The following MTPAP variants were observed in gnomAD, a reference collection of about 807,000 sequenced individuals.
MTPAP encodes the protein mitochondrial poly(A) polymerase.
In MTPAP, 23 loss-of-function variants were observed where a neutral mutation model predicts 48.7. The ratio of observed to expected loss-of-function variants is 0.47; its 90% confidence interval spans 0.34 to 0.67. The LOEUF (loss-of-function observed/expected upper bound fraction) is 0.67, where lower values mean the gene tolerates loss of function less well. Ranked by LOEUF, MTPAP falls within the 30% of genes least tolerant of loss-of-function variation. MTPAP has a pLI of 0.01. For synonymous variants in MTPAP, 257 were observed against 254.1 expected (o/e 1.01, Z -0.11); for missense variants, 614 against 694.3 (o/e 0.88, Z 1.30).
At chr10:30,346,908 C>A (rs1174104730) in intron 1 of MTPAP, among the ~76,000 whole-genome samples, 1 of 152,162 alleles carries the variant, frequency 6.6e-6, no homozygotes, top group Admixed American at 6.5e-5. Flanking sequence ...TCACCCCCAT[C>A]ATCAACATCC....
At chr10:30,343,725 G>C (rs185738944) in intron 1 of MTPAP, among the ~76,000 whole-genome samples, 38 of 152,072 alleles carry the variant, frequency 2.5e-4, no homozygotes, top group African/African-American at 8.7e-4. Context: ...GCGCCACCAC[G>C]CCCAGCTAAT....
intron 8 of MTPAP, among the ~76,000 whole-genome samples, chr10:30,314,896 A>G (rs1172342690): frequency 2.0e-5 from 3 of 147,040 alleles, no homozygotes; most frequent in Non-Finnish European, 4.4e-5. Flanking sequence ...AAAAAAAAAA[A>G]AAAAAAAAAG....
At position 30,336,877 on chromosome 10, in the gene MTPAP, T is replaced by A; in HGVS notation, c.706A>T (p.Thr236Ser). ...IVRPFGSSVN[T>S]FGKLGCDLDM... ...AAATCACATCCTAACTTCCCAAAAG[T>A]GTTGACTGAGGAGCCAAAGGGTCTG... Residue 236 changes from threonine to serine, a missense_variant, in exon 4 of 9, where the codon ACT becomes TCT. Physicochemically the swap from Thr to Ser is moderately conservative, Grantham distance 58. Coordinates refer to ENST00000263063, the MANE Select transcript of MTPAP (RefSeq NM_018109.4). 1 of 1,612,942 alleles carries A rather than the reference T, an allele frequency of 6.2e-7. No individual in the cohort carries two copies. The highest frequency in any genetic ancestry group is 8.5e-7 in the Non-Finnish European group (1 of 1,179,996).
intron 8 of MTPAP, among the ~76,000 whole-genome samples, chr10:30,315,350 C>A (rs1394692372): frequency 1.3e-5 from 2 of 152,078 alleles, no homozygotes; most frequent in Non-Finnish European, 2.9e-5. Flanking sequence ...TAGCCAAATG[C>A]TAAACAGAAT....
chr10:30,334,608 C>T (rs1834707486), intron 4 of MTPAP, among the ~76,000 whole-genome samples: 1 of 152,030 alleles, frequency 6.6e-6, no homozygotes, highest in African/African-American at 2.4e-5. Context: ...CTGCAGCGGG[C>T]CAAGATCATG....
Position 30,340,414 on chromosome 10 carries a change from T to C in MTPAP, c.367A>G (p.Ser123Gly). The C allele has an allele frequency of 4.3e-6, 7 of 1,614,174 alleles. No individual in the cohort carries two copies. The highest frequency in any genetic ancestry group is 1.1e-5 in the South Asian group (1 of 91,086). Residue 123 changes from serine to glycine, a missense_variant, in exon 3 of 9, where the codon AGC becomes GGC. Transcript: ENST00000263063. ...GTCCCATTCTGCAGTGAACCTATGCTTTCCTTTTGGCAAAATTCTACGACA... is the reference window on the plus strand; with the variant it reads ...GTCCCATTCTGCAGTGAACCTATGCCTTCCTTTTGGCAAAATTCTACGACA... ...YAVVEFCQKE[S>G]IGSLQNGTHT...
intron 6 of MTPAP, among the ~76,000 whole-genome samples, chr10:30,317,144 T>C (rs1156302548): frequency 6.6e-6 from 1 of 152,194 alleles, no homozygotes; most frequent in Non-Finnish European, 1.5e-5. Context: ...AAATTAACAT[T>C]ACATTTAATT....
In MTPAP at chr10:30,313,350, C is replaced by T. The variant is rs1397612241; in HGVS notation, c.*259G>A. ...GCTCAAGAGATCCTCCTGCCTCAGC[C>T]TCCTGAGCAGCTGGGACTACAGGTG... On this transcript the variant is annotated 3_prime_UTR_variant, in exon 9 of 9. Transcript: ENST00000263063. 8 of 470,580 alleles carry T rather than the reference C, an allele frequency of 1.7e-5. No homozygotes were observed. The highest frequency in any genetic ancestry group is 2.7e-5 in the Non-Finnish European group (7 of 261,398). 29.2% of individuals were successfully genotyped at this position (470,580 alleles called of 1,614,324 possible). A position where few individuals can be genotyped will look rare whatever the true frequency, so the allele number is the denominator to read the frequency against.
intron 1 of MTPAP, among the ~76,000 whole-genome samples, chr10:30,347,147 T>C (rs1000119465): frequency 6.6e-6 from 1 of 152,214 alleles, no homozygotes; most frequent in African/African-American, 2.4e-5. Flanking sequence ...TGTACTCTTA[T>C]TGTCTTTCTA....
intron 1 of MTPAP, 195 bp downstream of exon 1, chr10:30,348,924 C>T (rs1834901494): frequency 1.4e-6 from 1 of 691,802 alleles, no homozygotes; most frequent in South Asian, 1.8e-5. Flanking sequence ...AAACATCACA[C>T]ATCTCACTTC....
Position 30,312,276 on chromosome 10 carries a change from T to G in MTPAP, c.*1333A>C, listed in dbSNP as rs953002211. On this transcript the variant is annotated 3_prime_UTR_variant, in exon 9 of 9. Coordinates refer to ENST00000263063, the MANE Select transcript of MTPAP (RefSeq NM_018109.4). ...CACACAGATTTTTTCCAACCAAACTTGGATTGAAAATACAGTATTCTCGGC... is the reference window on the plus strand; with the variant it reads ...CACACAGATTTTTTCCAACCAAACTGGGATTGAAAATACAGTATTCTCGGC... 1 of 151,968 alleles carries G rather than the reference T, an allele frequency of 6.6e-6. No individual in the cohort carries two copies. Among genetic ancestry groups the G allele is most frequent in the Non-Finnish European group, 1.5e-5 (1 of 67,986 alleles). 9.4% of individuals were successfully genotyped at this position (151,968 alleles called of 1,614,324 possible).
At chr10:30,329,683 A>G (rs1365716127) in intron 4 of MTPAP, among the ~76,000 whole-genome samples, 4 of 152,050 alleles carry the variant, frequency 2.6e-5, no homozygotes, top group African/African-American at 9.7e-5. Context: ...ATAATCAAAG[A>G]ATATTAACTA....
chr10:30,348,155 C>T (rs907427424), intron 1 of MTPAP, among the ~76,000 whole-genome samples: 2 of 152,198 alleles, frequency 1.3e-5, no homozygotes, highest in Non-Finnish European at 2.9e-5. Flanking sequence ...TTCAGCGTTA[C>T]TTAGAAATGT....
At position 30,341,449 on chromosome 10, in the gene MTPAP, T is replaced by C. The variant is rs1306910584; in HGVS notation, c.330+19A>G. The C allele has an allele frequency of 5.6e-6, 9 of 1,609,038 alleles. No homozygotes were observed. Among genetic ancestry groups the C allele is most frequent in the African/African-American group, 1.3e-5 (1 of 74,806 alleles). On this transcript the variant is annotated intron_variant, in intron 2 of 8. Transcript: ENST00000263063. ...TGAAAAGCATAAACGTTAAGTTAGA[T>C]TGTTTTTCAAATACTTACAAAGCTT...
chr10:30,338,167 G>A (rs1834751034), intron 3 of MTPAP, among the ~76,000 whole-genome samples: 1 of 152,060 alleles, frequency 6.6e-6, no homozygotes, highest in Admixed American at 6.6e-5. Flanking sequence ...AGAAGGCTGA[G>A]GTGGGTCACT....
At chr10:30,329,587 C>T (rs182088837) in intron 4 of MTPAP, among the ~76,000 whole-genome samples, 10 of 152,268 alleles carry the variant, frequency 6.6e-5, no homozygotes, top group Admixed American at 5.9e-4. Flanking sequence ...TTTCCTAAGA[C>T]TCATCCATAT....
intron 2 of MTPAP, among the ~76,000 whole-genome samples, chr10:30,340,725 C>G (rs768890892): frequency 4.6e-5 from 7 of 152,078 alleles, no homozygotes; most frequent in Non-Finnish European, 1.0e-4. Flanking sequence ...TCAAGACCAG[C>G]CTGGCCAACA....
At chr10:30,320,231 C>G (rs912210988) in intron 6 of MTPAP, among the ~76,000 whole-genome samples, 13 of 152,168 alleles carry the variant, frequency 8.5e-5, no homozygotes, top group Non-Finnish European at 1.9e-4. Context: ...CCACTGCACT[C>G]CAGCCTGCCT....
rs137982260 is a variant in MTPAP at position 30,324,528 on chromosome 10, T to A, written c.992+1896A>T. Among the ~76,000 whole-genome samples, 107 of 152,044 alleles carry A rather than the reference T, an allele frequency of 7.0e-4. 1 individual carries two copies. In the East Asian group the frequency reaches 0.019, roughly 27 times the overall value. The stretch of plus-strand genomic sequence containing the variant: ...ATGATCACACTACTGCACTTCAGCC[T>A]GGGCAACAGAGAGAGACACTGTCTC... On this transcript the variant is annotated intron_variant, in intron 5 of 8. Coordinates refer to ENST00000263063, the MANE Select transcript of MTPAP (RefSeq NM_018109.4).
Sources: allele counts gnomAD v4.1 joint callset (sites outside exome capture counted in the v4.1 genomes callset), GRCh38; gene constraint gnomAD v4.1.1; transcripts MANE v1.5; gene names NCBI Gene and HGNC (gene_info 2026-07-23, HGNC 2026-07-21).